Variants in ARAP2 observed in about 807,000 individuals in gnomAD.
ARAP2 encodes arf-GAP with Rho-GAP domain, ANK repeat and PH domain-containing protein 2.
A neutral mutation model predicts 194.5 loss-of-function variants in ARAP2; 148 were observed. The ratio of observed to expected loss-of-function variants is 0.76; its 90% CI spans 0.67 to 0.87. The LOEUF (loss-of-function observed/expected upper bound fraction) is 0.87, where lower values mean the gene tolerates loss of function less well. Ranked by LOEUF, ARAP2 falls within the 40% of genes least tolerant of loss-of-function variation. The pLI is 0.00. For synonymous variants in ARAP2, 695 were observed against 683.5 expected, an observed-to-expected ratio of 1.02 and a Z score of -0.26; for missense variants, 2,128 against 1,989.7, an observed-to-expected ratio of 1.07 and a Z score of -1.32.
intron 6 of ARAP2, among the ~76,000 whole-genome samples, chr4:36,197,138 T>A (rs549496962): frequency 5.3e-5 from 8 of 152,154 alleles, no homozygotes; most frequent in African/African-American, 1.9e-4. Context: ...TATTGATACA[T>A]ATTAATTGAC....
chr4:36,199,882 T>C (rs1036858545), intron 6 of ARAP2, among the ~76,000 whole-genome samples: 8 of 152,328 alleles, frequency 5.3e-5, no homozygotes, highest in African/African-American at 1.7e-4. Flanking sequence ...ACAGTTGTTA[T>C]TAGCTTCTTT....
rs988810278 is a variant in ARAP2 at position 36,136,922 on chromosome 4, A to G, written c.3264-3533T>C. Among the ~76,000 whole-genome samples, 3 of 29,116 alleles carry G rather than the reference A, an allele frequency of 1.0e-4. No individual in the cohort carries two copies. The South Asian group carries it at 6.2e-3, about 60-fold the overall frequency. The allele number at this position is 29,116 out of a possible 152,430, so 19.1% of individuals were successfully genotyped here. A position where few individuals can be genotyped will look rare whatever the true frequency, so the allele number is the denominator to read the frequency against. On this transcript the variant is annotated intron_variant, in intron 19 of 32. Transcript: ENST00000303965. Reference sequence around the variant, plus strand: ...ACTATTAGAATGGACACACACATACACGCGCGCGCGCACACACACACACAC... The same window carrying G: ...ACTATTAGAATGGACACACACATACGCGCGCGCGCGCACACACACACACAC...
At chr4:36,064,831 G>A (rs1055022984), downstream of ARAP2, among the ~76,000 whole-genome samples, 37 of 152,216 alleles carry the variant, frequency 2.4e-4, no homozygotes, top group African/African-American at 8.4e-4. Flanking sequence ...AGGAAAGAGA[G>A]AAGCCACCAT....
intron 1 of ARAP2, among the ~76,000 whole-genome samples, chr4:36,229,956 G>T (rs924018753): frequency 6.6e-6 from 1 of 152,186 alleles, no homozygotes. Flanking sequence ...GAACCAGTAA[G>T]TCAGTAAGAT....
rs747341247 is a variant in ARAP2 at position 36,091,908 on chromosome 4, C to A, written c.4398G>T (p.Gly1466=). The A allele has an allele frequency of 1.9e-6, 3 of 1,604,934 alleles. No homozygotes were observed. Among genetic ancestry groups the A allele is most frequent in the Admixed American group, 3.3e-5 (2 of 59,800 alleles). Residue 1466 remains glycine, a synonymous_variant, in exon 28 of 33, where the codon GGG becomes GGT. Coordinates refer to ENST00000303965, the MANE Select transcript of ARAP2 (RefSeq NM_015230.4). ...FQDRYFVLRD[G]FLFLYKDVKS... ...TCACATCCTTGTAAAGAAAGAGAAA[C>A]CCATCTCGTAAAACAAAATACCGGT...
intron 28 of ARAP2, among the ~76,000 whole-genome samples, chr4:36,090,610 A>G (rs1577835162): frequency 6.6e-6 from 1 of 152,156 alleles, no homozygotes; most frequent in South Asian, 2.1e-4. Flanking sequence ...GTCCTTTGCA[A>G]GAACATGGAT....
At chr4:36,131,485 T>C (rs1275225038) in intron 20 of ARAP2, among the ~76,000 whole-genome samples, 1 of 151,488 alleles carries the variant, frequency 6.6e-6, no homozygotes, top group African/African-American at 2.4e-5. Flanking sequence ...TATAACTATA[T>C]AAACACAATC....
chr4:36,193,469 C>A, intron 7 of ARAP2, 109 bp downstream of exon 7: 1 of 576,490 alleles, frequency 1.7e-6, no homozygotes, highest in East Asian at 3.1e-5. Flanking sequence ...ACTTCAAATT[C>A]TTTTCATGTT....
At chr4:36,103,240 T>A (rs1267957899) in intron 27 of ARAP2, among the ~76,000 whole-genome samples, 5 of 151,810 alleles carry the variant, frequency 3.3e-5, no homozygotes, top group Admixed American at 3.3e-4. Context: ...GAAATATGCA[T>A]TTGAGTTACA....
intron 4 of ARAP2, 54 bp downstream of exon 4, chr4:36,213,189 G>A: frequency 1.6e-6 from 2 of 1,265,914 alleles, no homozygotes; most frequent in South Asian, 2.5e-5. Context: ...GGTACAAATA[G>A]GCAGAAAAGC....
At chr4:36,010,667 C>T (rs942299637) in intron 9 of ARAP2, among the ~76,000 whole-genome samples, 4 of 152,114 alleles carry the variant, frequency 2.6e-5, no homozygotes, top group African/African-American at 9.7e-5. Context: ...ACCAAATGAC[C>T]TAATGAATCC....
At chr4:36,200,677 T>C (rs994154359) in intron 6 of ARAP2, among the ~76,000 whole-genome samples, 1 of 152,212 alleles carries the variant, frequency 6.6e-6, no homozygotes, top group Non-Finnish European at 1.5e-5. Context: ...TAACTGCCCA[T>C]GTAAAATTAA....
intron 27 of ARAP2, among the ~76,000 whole-genome samples, chr4:36,102,142 G>A (rs537375597): frequency 1.3e-5 from 2 of 151,990 alleles, no homozygotes; most frequent in African/African-American, 4.8e-5. Flanking sequence ...TCCACACAAT[G>A]AGCTCTTAGG....
intron 5 of ARAP2, among the ~76,000 whole-genome samples, chr4:36,030,971 A>C (rs1718849363): frequency 6.6e-6 from 1 of 152,046 alleles, no homozygotes; most frequent in South Asian, 2.1e-4. Context: ...CTCTACTAAA[A>C]ATACAAAAAT....
intron 24 of ARAP2, among the ~76,000 whole-genome samples, chr4:36,117,656 A>C (rs1374408621): frequency 1.3e-5 from 2 of 151,732 alleles, no homozygotes; most frequent in Non-Finnish European, 3.0e-5. Flanking sequence ...ACTAGGTCAG[A>C]GCTATATTAA....
Position 36,229,503 on chromosome 4 carries a change from C to G in ARAP2, c.-17G>C. 5.1e-6 allele frequency: 8 copies of G among 1,573,188 alleles called. No homozygotes were observed. The highest frequency in any genetic ancestry group is 6.9e-6 in the Non-Finnish European group (8 of 1,157,156). On this transcript the variant is annotated 5_prime_UTR_variant, in exon 2 of 33. Coordinates refer to ENST00000303965, the MANE Select transcript of ARAP2 (RefSeq NM_015230.4). Reference sequence around the variant, plus strand: ...TGAGGACATAATGGTGGCTTCATTACTAAGCTGAGTTACAAAAAGTGGCAC... The same window carrying G: ...TGAGGACATAATGGTGGCTTCATTAGTAAGCTGAGTTACAAAAAGTGGCAC...
rs1329007794 is a variant in ARAP2, at chr4:36,092,001, G to C, written c.4305C>G (p.Ser1435Arg). 1 of 1,601,572 alleles carries C rather than the reference G, an allele frequency of 6.2e-7. No individual in the cohort carries two copies. Among genetic ancestry groups the C allele is most frequent in the South Asian group, 1.1e-5 (1 of 89,954 alleles). The change falls in exon 28 of 33, where the codon AGC (serine) becomes AGG (arginine). Residue 1435 changes from serine to arginine, a missense_variant. Physicochemically the swap from Ser to Arg is moderately radical, Grantham distance 110. Transcript: ENST00000303965. ...KHCSDRSTLG[S>R]IKEGILKIKE... ...TGATTTTCAAGATTCCTTCTTTGATGCTTCCCAGTGTACTCCGGTCTGTAA... is the reference window on the plus strand; with the variant it reads ...TGATTTTCAAGATTCCTTCTTTGATCCTTCCCAGTGTACTCCGGTCTGTAA...
At chr4:36,206,022 T>C (rs1745459566) in intron 6 of ARAP2, among the ~76,000 whole-genome samples, 1 of 152,230 alleles carries the variant, frequency 6.6e-6, no homozygotes, top group African/African-American at 2.4e-5. Context: ...GACTGACATA[T>C]AACACCCTAG....
chr4:36,231,856 A>C (rs943562968), intron 1 of ARAP2, among the ~76,000 whole-genome samples: 2 of 152,118 alleles, frequency 1.3e-5, no homozygotes, highest in African/African-American at 4.8e-5. Flanking sequence ...GTCCTCCCAA[A>C]ATTCCTATCT....
Sources: allele counts gnomAD v4.1 joint callset (sites outside exome capture counted in the v4.1 genomes callset), GRCh38; gene constraint gnomAD v4.1.1; transcripts MANE v1.5; gene names NCBI Gene and HGNC (gene_info 2026-07-23, HGNC 2026-07-21).